Variants in CYP20A1 observed in about 807,000 individuals in gnomAD.
The protein encoded by CYP20A1 is cytochrome P450 family 20 subfamily A member 1, also known as cytochrome P450 20A1.
In CYP20A1, 61 loss-of-function variants were observed where a neutral mutation model predicts 61.4. The observed-to-expected ratio is 0.99, with a 90% CI of 0.81 to 1.23. The LOEUF (loss-of-function observed/expected upper bound fraction) is 1.23. Among genes scored for constraint, CYP20A1 ranks in the 50% most tolerant of loss-of-function variants. The pLI, the probability that CYP20A1 is intolerant of heterozygous loss-of-function variation, is 0.00. For synonymous variants in CYP20A1, 193 were observed against 188.2 expected (o/e 1.03, Z -0.21); for missense variants, 530 against 542.4 (o/e 0.98, Z 0.23).
chr2:203,285,798 G>A (rs2068241489), intron 9 of CYP20A1, 66 bp downstream of exon 9: 6 of 1,349,234 alleles, frequency 4.4e-6, no homozygotes, highest in Non-Finnish European at 5.9e-6. Flanking sequence ...CTAATTTAAA[G>A]CTATTGTTGC....
At chr2:203,283,694 G>A (rs1049630721) in intron 8 of CYP20A1, among the ~76,000 whole-genome samples, 6 of 151,070 alleles carry the variant, frequency 4.0e-5, no homozygotes, top group Admixed American at 6.6e-5. Context: ...GACTAGAGGC[G>A]CGTGCCACCA....
Position 203,278,694 on chromosome 2 carries a change from A to G in CYP20A1, c.795+6A>G. On this transcript the variant is annotated splice_donor_region_variant and intron_variant, in intron 7 of 12. Coordinates refer to ENST00000356079, the MANE Select transcript of CYP20A1 (RefSeq NM_177538.3). ...GGAACCTTAATGACCAACAGGTGATATAATTGTTAAATGTTTATCAGGTAA... is the reference window on the plus strand; with the variant it reads ...GGAACCTTAATGACCAACAGGTGATGTAATTGTTAAATGTTTATCAGGTAA... The G allele has an allele frequency of 1.4e-6, 2 of 1,435,598 alleles. No individual in the cohort carries two copies. Among genetic ancestry groups the G allele is most frequent in the African/African-American group, 1.4e-5 (1 of 69,952 alleles). 88.9% of individuals were successfully genotyped at this position (1,435,598 alleles called of 1,614,324 possible). A position where few individuals can be genotyped will look rare whatever the true frequency, so the allele number is the denominator to read the frequency against.
chr2:203,269,412 A>G (rs2067468056), intron 5 of CYP20A1, among the ~76,000 whole-genome samples: 1 of 151,564 alleles, frequency 6.6e-6, no homozygotes, highest in Admixed American at 6.6e-5. Flanking sequence ...AGCCTGGATG[A>G]TAGAGTGAGA....
At chr2:203,263,890 C>T (rs1417364593) in intron 4 of CYP20A1, among the ~76,000 whole-genome samples, 1 of 151,986 alleles carries the variant, frequency 6.6e-6, no homozygotes, top group Admixed American at 6.6e-5. Context: ...CTTTTTTATA[C>T]GCTTGTTCTT....
At chr2:203,294,500 A>G (rs1486498263) in intron 11 of CYP20A1, among the ~76,000 whole-genome samples, 1 of 152,142 alleles carries the variant, frequency 6.6e-6, no homozygotes, top group Non-Finnish European at 1.5e-5. Context: ...AGCCTGGGCA[A>G]CAAGAATGAA....
Position 203,285,627 on chromosome 2 carries a change from T to A in CYP20A1, c.866T>A (p.Ile289Asn). The A allele has an allele frequency of 1.9e-6, 3 of 1,591,042 alleles. No individual in the cohort carries two copies. Among genetic ancestry groups the A allele is most frequent in the Non-Finnish European group, 2.6e-6 (3 of 1,174,390 alleles). ...IITAKLCTWA[I>N]CFLTTSEEVQ... ...TTTGACCTAGTGTGTACCTGGGCAATCTGTTTTTTAACCACCTCTGAAGAA... is the reference window on the plus strand; with the variant it reads ...TTTGACCTAGTGTGTACCTGGGCAAACTGTTTTTTAACCACCTCTGAAGAA... Residue 289 changes from isoleucine (I) to asparagine (N), a missense_variant, in exon 9 of 13, where the codon ATC becomes AAC. Physicochemically the swap from Ile to Asn is moderately radical, Grantham distance 149. Coordinates refer to ENST00000356079, the MANE Select transcript of CYP20A1 (RefSeq NM_177538.3).
intron 6 of CYP20A1, among the ~76,000 whole-genome samples, chr2:203,275,167 C>T (rs1225436469): frequency 6.6e-6 from 1 of 152,168 alleles, no homozygotes. Context: ...TCGTGGGCAT[C>T]AGGTATTTTT....
Position 203,247,036 on chromosome 2 carries a change from G to A in CYP20A1, c.289+115G>A, listed in dbSNP as rs564317345. On this transcript the variant is annotated intron_variant, in intron 3 of 12. Transcript: ENST00000356079. ...AACACTTTGGGAGGCTGAGGCAGGT[G>A]GATCACATGAGGCCAGGAGTTCGAG... 10 of 998,072 alleles carry A rather than the reference G, an allele frequency of 1.0e-5. No individual in the cohort carries two copies. The South Asian group carries it at 1.3e-4, about 13-fold the overall frequency. The allele number at this position is 998,072 out of a possible 1,614,324, so 61.8% of individuals were successfully genotyped here. A position where few individuals can be genotyped will look rare whatever the true frequency, so the allele number is the denominator to read the frequency against.
At chr2:203,284,990 C>A (rs1043474513) in intron 8 of CYP20A1, among the ~76,000 whole-genome samples, 1 of 151,924 alleles carries the variant, frequency 6.6e-6, no homozygotes, top group East Asian at 1.9e-4. Context: ...ACGCAATCCC[C>A]CAGCTTCAGA....
intron 4 of CYP20A1, among the ~76,000 whole-genome samples, chr2:203,253,620 A>T (rs1575181625): frequency 6.6e-6 from 1 of 152,238 alleles, no homozygotes; most frequent in Admixed American, 6.5e-5. Context: ...GCAGTTAATC[A>T]TACAGTGACA....
chr2:203,239,288 G>C (rs1464260974), intron 1 of CYP20A1, among the ~76,000 whole-genome samples, 154 bp downstream of exon 1: 1 of 152,144 alleles, frequency 6.6e-6, no homozygotes, highest in Admixed American at 6.5e-5. Flanking sequence ...GACCGCACCC[G>C]GAGTCACGTG....
chr2:203,280,409 A>G (rs1232817706), intron 8 of CYP20A1, among the ~76,000 whole-genome samples: 1 of 152,180 alleles, frequency 6.6e-6, no homozygotes, highest in Non-Finnish European at 1.5e-5. Flanking sequence ...CCCTGTCTCA[A>G]AAAAAACAAG....
chr2:203,272,648 AT>A lies in CYP20A1; in HGVS notation c.601-21del, dbSNP rs766174306. ...AAATTCTACCTATTAGATAATAGTT[AT>A]GTATATTTACCTATTTTCAGGTTTG... is the stretch of plus-strand genomic sequence containing the variant. On this transcript the variant is annotated intron_variant, in intron 5 of 12. Coordinates refer to ENST00000356079, the MANE Select transcript of CYP20A1 (RefSeq NM_177538.3). 4.0e-6 allele frequency: 6 copies of A among 1,493,842 alleles called. No homozygotes were observed. The South Asian group carries it at 7.2e-5, about 18-fold the overall frequency. The allele number at this position is 1,493,842 out of a possible 1,614,324, so 92.5% of individuals were successfully genotyped here. A position where few individuals can be genotyped will look rare whatever the true frequency, so the allele number is the denominator to read the frequency against.
At chr2:203,288,161 G>C (rs143843212) in intron 9 of CYP20A1, among the ~76,000 whole-genome samples, 2 of 148,548 alleles carry the variant, frequency 1.3e-5, no homozygotes, top group Admixed American at 1.4e-4. Context: ...CACCTCCTGG[G>C]TTCAAACGAT....
intron 5 of CYP20A1, among the ~76,000 whole-genome samples, chr2:203,270,148 T>A (rs141050785): frequency 6.6e-6 from 1 of 152,062 alleles, no homozygotes; most frequent in African/African-American, 2.4e-5. Context: ...TAGTCCCAAC[T>A]GCTTGTGAGG....
rs139555692 is a variant in CYP20A1, at chr2:203,243,451, C to T, written c.73-2395C>T. ...TGTCTCCCAGGCTGGAGTGTAGTGA[C>T]GTGATCTCGGCTCACTGCAACCTCC... is the stretch of plus-strand genomic sequence containing the variant. On this transcript the variant is annotated intron_variant, in intron 1 of 12. Coordinates refer to ENST00000356079, the MANE Select transcript of CYP20A1 (RefSeq NM_177538.3). Among the ~76,000 whole-genome samples, 534 of 150,814 alleles carry T rather than the reference C, an allele frequency of 3.5e-3. 4 individuals carry two copies. The highest frequency in any genetic ancestry group is 0.013 in the African/African-American group (515 of 41,028).
chr2:203,268,043 G>A (rs1156310937), intron 5 of CYP20A1, among the ~76,000 whole-genome samples: 2 of 151,858 alleles, frequency 1.3e-5, no homozygotes, highest in South Asian at 2.1e-4. Context: ...CTTCACCCAG[G>A]TTCAGCAGTT....
chr2:203,298,759 G>A lies in CYP20A1; in HGVS notation c.*1851G>A, dbSNP rs1225320446. 6.6e-6 allele frequency among the ~76,000 whole-genome samples: 1 copy of A among 151,800 alleles called. No homozygotes were observed. Among genetic ancestry groups the A allele is most frequent in the African/African-American group, 2.4e-5 (1 of 41,334 alleles). On this transcript the variant is annotated 3_prime_UTR_variant, in exon 13 of 13. Coordinates refer to ENST00000356079, the MANE Select transcript of CYP20A1 (RefSeq NM_177538.3). ...TTCAAGAATATTTTAAGTAGGCTGGGCACGGTAGCTCATGCCTGTTATCCT... is the reference window on the plus strand; with the variant it reads ...TTCAAGAATATTTTAAGTAGGCTGGACACGGTAGCTCATGCCTGTTATCCT...
At chr2:203,263,213 TCC>T (rs2152071873) in intron 4 of CYP20A1, among the ~76,000 whole-genome samples, 1 of 151,226 alleles carries the variant, frequency 6.6e-6, no homozygotes, top group East Asian at 1.9e-4. Flanking sequence ...GGTCTCGAAC[TCC>T]TGACCTCAGG....
Sources: allele counts gnomAD v4.1 joint callset (sites outside exome capture counted in the v4.1 genomes callset), GRCh38; gene constraint gnomAD v4.1.1; transcripts MANE v1.5; gene names NCBI Gene and HGNC (gene_info 2026-07-23, HGNC 2026-07-21).